The following INPP4B variants were observed in gnomAD, a reference collection of about 807,000 sequenced individuals.
INPP4B encodes inositol polyphosphate 4-phosphatase type II.
INPP4B carries 55 observed loss-of-function variants against 122.5 expected under a neutral mutation model. The ratio of observed to expected loss-of-function variants is 0.45; its 90% CI spans 0.36 to 0.56. The LOEUF (loss-of-function observed/expected upper bound fraction) is 0.56. INPP4B is among the 20% of genes least tolerant of loss of function. INPP4B has a pLI of 0.00. For missense variants in INPP4B, 1,000 were observed against 1,097.7 expected, an observed-to-expected ratio of 0.91 and a Z score of 1.26; for synonymous variants, 403 against 388.7, an observed-to-expected ratio of 1.04 and a Z score of -0.43.
At chr4:142,794,690 A>C (rs527826408) in intron 1 of INPP4B, among the ~76,000 whole-genome samples, 4 of 151,992 alleles carry the variant, frequency 2.6e-5, no homozygotes, top group African/African-American at 9.6e-5. Context: ...CTGGGAGATA[A>C]TATTTGTAAT....
chr4:142,652,478 C>A (rs575695176), intron 2 of INPP4B, among the ~76,000 whole-genome samples: 1 of 152,312 alleles, frequency 6.6e-6, no homozygotes, highest in South Asian at 2.1e-4. Context: ...ACCCCATCAA[C>A]TCAGCCCAAA....
intron 1 of INPP4B, among the ~76,000 whole-genome samples, chr4:142,807,229 A>G (rs1778976864): frequency 1.3e-5 from 2 of 152,170 alleles, no homozygotes; most frequent in Admixed American, 1.3e-4. Context: ...ATATATATAT[A>G]AGTAGAAAGG....
At chr4:142,240,159 T>G (rs1858639864) in intron 11 of INPP4B, among the ~76,000 whole-genome samples, 1 of 150,974 alleles carries the variant, frequency 6.6e-6, no homozygotes, top group African/African-American at 2.4e-5. Context: ...TGTCTCATCC[T>G]CCCAAGTAGC....
intron 1 of INPP4B, among the ~76,000 whole-genome samples, chr4:142,845,545 C>T (rs1219408675): frequency 6.6e-6 from 1 of 152,166 alleles, no homozygotes; most frequent in Non-Finnish European, 1.5e-5. Context: ...GAGATGCTGC[C>T]TGATGGCCGA....
chr4:142,323,093 A>T (rs947887330), intron 7 of INPP4B, among the ~76,000 whole-genome samples: 1 of 152,228 alleles, frequency 6.6e-6, no homozygotes, highest in Non-Finnish European at 1.5e-5. Context: ...ACACAAAAAA[A>T]GTTAACAGAT....
At chr4:142,690,620 T>G (rs1167689780) in intron 2 of INPP4B, among the ~76,000 whole-genome samples, 3 of 152,312 alleles carry the variant, frequency 2.0e-5, no homozygotes, top group Non-Finnish European at 4.4e-5. Flanking sequence ...CAGGCTCCCC[T>G]GCAGAGAACT....
chr4:142,704,324 G>T (rs545174367), intron 2 of INPP4B, among the ~76,000 whole-genome samples: 2 of 152,158 alleles, frequency 1.3e-5, no homozygotes, highest in South Asian at 4.1e-4. Context: ...TCTGCCACAA[G>T]AATTTACTAT....
At chr4:142,359,430 TAAGA>T (rs2148512561) in intron 7 of INPP4B, among the ~76,000 whole-genome samples, 1 of 152,106 alleles carries the variant, frequency 6.6e-6, no homozygotes, top group South Asian at 2.1e-4. Context: ...TTTAAGTGTT[TAAGA>T]AAGATGATTA....
chr4:142,274,418 C>A (rs1747392144), intron 9 of INPP4B, among the ~76,000 whole-genome samples: 1 of 151,948 alleles, frequency 6.6e-6, no homozygotes, highest in East Asian at 1.9e-4. Flanking sequence ...CCTGTGATTT[C>A]ATCATAGGGC....
chr4:142,773,028 A>G (rs1033891990), intron 1 of INPP4B, among the ~76,000 whole-genome samples: 1 of 152,152 alleles, frequency 6.6e-6, no homozygotes, highest in Non-Finnish European at 1.5e-5. Flanking sequence ...CCTGGGTGAC[A>G]GTGAAACTTT....
At chr4:142,512,506 A>G (rs1215648371) in intron 2 of INPP4B, among the ~76,000 whole-genome samples, 1 of 152,166 alleles carries the variant, frequency 6.6e-6, no homozygotes, top group Non-Finnish European at 1.5e-5. Context: ...TCTATATCCC[A>G]TCTTCTAAAA....
At chr4:142,798,480 C>T (rs1712016738) in intron 1 of INPP4B, among the ~76,000 whole-genome samples, 1 of 151,874 alleles carries the variant, frequency 6.6e-6, no homozygotes, top group Non-Finnish European at 1.5e-5. Context: ...TTATAGCTCA[C>T]AGATGTTGGA....
At chr4:142,427,840 A>G (rs1279127812) in intron 5 of INPP4B, among the ~76,000 whole-genome samples, 2 of 152,002 alleles carry the variant, frequency 1.3e-5, no homozygotes. Context: ...CTCAAGTTGT[A>G]CGAGTGAAGA....
chr4:142,638,167 C>T (rs571371492), intron 2 of INPP4B, among the ~76,000 whole-genome samples: 2 of 152,260 alleles, frequency 1.3e-5, no homozygotes, highest in South Asian at 4.1e-4. Context: ...ATTCTCTTGA[C>T]ATTGTCTTTC....
Position 142,347,359 on chromosome 4 carries a change from A to T in INPP4B, c.373-32597T>A, listed in dbSNP as rs888501725. ...TGAGTTTTTCAGATGAAAGTGCTAC[A>T]TACATTCCAATTACCTGATTATTAT... On this transcript the variant is annotated intron_variant, in intron 7 of 25. Transcript: ENST00000262992. 5 of 254,616 alleles carry T rather than the reference A, an allele frequency of 2.0e-5. No homozygotes were observed. In the Admixed American group the frequency reaches 2.6e-4, roughly 13 times the overall value. 15.8% of individuals were successfully genotyped at this position (254,616 alleles called of 1,614,324 possible).
intron 1 of INPP4B, among the ~76,000 whole-genome samples, chr4:142,746,602 C>T (rs983151248): frequency 1.3e-5 from 2 of 152,076 alleles, no homozygotes; most frequent in African/African-American, 4.8e-5. Flanking sequence ...GGAGGCATCA[C>T]GCTACCTGAT....
chr4:142,443,332 G>C (rs1002837379), intron 3 of INPP4B, among the ~76,000 whole-genome samples: 5 of 152,136 alleles, frequency 3.3e-5, no homozygotes, highest in Non-Finnish European at 4.4e-5. Context: ...TGAGGTACAT[G>C]CCTGCTGAAG....
At chr4:142,422,845 A>G (rs925479034) in intron 5 of INPP4B, among the ~76,000 whole-genome samples, 1 of 151,982 alleles carries the variant, frequency 6.6e-6, no homozygotes, top group Non-Finnish European at 1.5e-5. Context: ...AACAAAAAAC[A>G]GAATCAAGAA....
intron 1 of INPP4B, among the ~76,000 whole-genome samples, chr4:142,782,002 T>A (rs900616845): frequency 6.6e-6 from 1 of 151,864 alleles, no homozygotes; most frequent in African/African-American, 2.4e-5. Context: ...ATTATTATAC[T>A]TTAAGTTTTA....
Sources: allele counts gnomAD v4.1 joint callset (sites outside exome capture counted in the v4.1 genomes callset), GRCh38; gene constraint gnomAD v4.1.1; transcripts MANE v1.5; gene names NCBI Gene and HGNC (gene_info 2026-07-23, HGNC 2026-07-21).